The following NOS1AP variants were observed in gnomAD, a reference collection of about 807,000 sequenced individuals.
NOS1AP encodes nitric oxide synthase 1 adaptor protein.
NOS1AP carries 21 observed loss-of-function variants against 56.2 expected under a neutral mutation model. That is an observed-to-expected ratio of 0.37 (90% confidence interval 0.26 to 0.54). The LOEUF is 0.54. NOS1AP is among the 20% of genes least tolerant of loss of function. The probability of loss-of-function intolerance (pLI) is 0.84; values close to 1 mark genes in which losing one functional copy is unlikely to be tolerated. For synonymous variants in NOS1AP, 270 were observed against 274.6 expected, an observed-to-expected ratio of 0.98 and a Z score of 0.17; for missense variants, 522 against 657.8, an observed-to-expected ratio of 0.79 and a Z score of 2.26.
intron 1 of NOS1AP, among the ~76,000 whole-genome samples, chr1:162,080,314 CCT>C (rs1046439415): frequency 5.3e-5 from 8 of 152,118 alleles, no homozygotes; most frequent in African/African-American, 1.4e-4. Context: ...AAAACTAACC[CCT>C]GTTAGTTTTC....
chr1:162,282,820 G>A (rs1182604120), intron 2 of NOS1AP, among the ~76,000 whole-genome samples: 1 of 152,250 alleles, frequency 6.6e-6, no homozygotes, highest in Non-Finnish European at 1.5e-5. Flanking sequence ...GCCTGGCATA[G>A]TGTTTGCCTT....
At chr1:162,174,175 A>C (rs977030741) in intron 2 of NOS1AP, among the ~76,000 whole-genome samples, 1 of 152,082 alleles carries the variant, frequency 6.6e-6, no homozygotes, top group Non-Finnish European at 1.5e-5. Context: ...TCCAACAATG[A>C]TAGACTGGAT....
At chr1:162,144,888 A>G (rs926255063) in intron 1 of NOS1AP, among the ~76,000 whole-genome samples, 2 of 152,212 alleles carry the variant, frequency 1.3e-5, no homozygotes, top group African/African-American at 4.8e-5. Context: ...AAAAGAACTG[A>G]AAGACACAGC....
chr1:162,276,170 G>C (rs2101724441), intron 2 of NOS1AP, among the ~76,000 whole-genome samples: 1 of 152,316 alleles, frequency 6.6e-6, no homozygotes, highest in South Asian at 2.1e-4. Flanking sequence ...CTGGGGATGA[G>C]TTGGGTTATG....
intron 1 of NOS1AP, among the ~76,000 whole-genome samples, chr1:162,090,200 G>A (rs538029717): frequency 4.6e-5 from 7 of 150,950 alleles, no homozygotes; most frequent in South Asian, 2.1e-4. Context: ...CTTTGTATGC[G>A]AAAGGTCAAA....
At chr1:162,233,340 T>C (rs1653186168) in intron 2 of NOS1AP, among the ~76,000 whole-genome samples, 1 of 152,180 alleles carries the variant, frequency 6.6e-6, no homozygotes, top group African/African-American at 2.4e-5. Flanking sequence ...GCGGGGTAGT[T>C]GTACTGCTGT....
chr1:162,152,643 C>CGTGGT (rs1649766186), intron 1 of NOS1AP, among the ~76,000 whole-genome samples: 1 of 152,250 alleles, frequency 6.6e-6, no homozygotes, highest in African/African-American at 2.4e-5. Context: ...CCCCATGGGC[C>CGTGGT]GTGGTGGGGC....
At chr1:162,231,609 T>G (rs748490193) in intron 2 of NOS1AP, among the ~76,000 whole-genome samples, 8 of 152,240 alleles carry the variant, frequency 5.3e-5, no homozygotes, top group Non-Finnish European at 1.2e-4. Context: ...GTTTTTGCAC[T>G]AATGTACAGT....
chr1:162,342,570 A>C, intron 5 of NOS1AP: 1 of 489,930 alleles, frequency 2.0e-6, no homozygotes, highest in African/African-American at 2.0e-5. Flanking sequence ...AGATGAGCTC[A>C]TTGTAATATG....
intron 7 of NOS1AP, 137 bp downstream of exon 7, chr1:162,355,490 GC>G: frequency 1.9e-6 from 2 of 1,070,280 alleles, no homozygotes; most frequent in Admixed American, 3.7e-5. Context: ...GCACTTCATT[GC>G]CTTTCAGAAG....
intron 2 of NOS1AP, among the ~76,000 whole-genome samples, chr1:162,268,764 A>G (rs1477243686): frequency 6.6e-6 from 1 of 152,190 alleles, no homozygotes. Flanking sequence ...AAATATATTC[A>G]AACTAAAAAA....
intron 2 of NOS1AP, among the ~76,000 whole-genome samples, chr1:162,171,984 TAGC>T (rs1268004783): frequency 6.6e-6 from 1 of 152,200 alleles, no homozygotes; most frequent in Non-Finnish European, 1.5e-5. Flanking sequence ...GAAAGCCACT[TAGC>T]AGCCCCAAGG....
intron 2 of NOS1AP, among the ~76,000 whole-genome samples, chr1:162,264,573 C>T (rs142670856): frequency 0.01 from 1,513 of 149,892 alleles, 21 homozygotes; most frequent in African/African-American, 0.035. Flanking sequence ...GTGGTGTGAT[C>T]TTGGCTCACT....
At position 162,070,148 on chromosome 1, in the gene NOS1AP, T is replaced by C. The variant is rs1651882923; in HGVS notation, c.-30T>C. On this transcript the variant is annotated 5_prime_UTR_variant, in exon 1 of 10. Coordinates refer to ENST00000361897, the MANE Select transcript of NOS1AP (RefSeq NM_014697.3). ...CCAGCCCCTTCCTGCAGCCGCCGCC[T>C]CCGAAGGAGCGGGTCCGCCGCGGGT... The C allele has an allele frequency of 6.3e-7, 1 of 1,590,680 alleles. No individual in the cohort carries two copies. Among genetic ancestry groups the C allele is most frequent in the Non-Finnish European group, 8.6e-7 (1 of 1,159,346 alleles).
chr1:162,119,457 A>C (rs1294349760), intron 1 of NOS1AP, among the ~76,000 whole-genome samples: 1 of 152,210 alleles, frequency 6.6e-6, no homozygotes. Flanking sequence ...GTTTAGATAA[A>C]GCAGAAATCT....
At chr1:162,251,864 T>TG (rs1254287092) in intron 2 of NOS1AP, among the ~76,000 whole-genome samples, 5 of 99,916 alleles carry the variant, frequency 5.0e-5, no homozygotes, top group African/African-American at 6.5e-5. Context: ...GTTGTTTTTT[T>TG]TTTTGTTTTT....
At chr1:162,236,363 C>T (rs1003375779) in intron 2 of NOS1AP, among the ~76,000 whole-genome samples, 2 of 152,192 alleles carry the variant, frequency 1.3e-5, no homozygotes, top group African/African-American at 4.8e-5. Context: ...TTTACAGATA[C>T]GATCTCACTT....
chr1:162,344,669 C>T (rs572866176), intron 6 of NOS1AP, among the ~76,000 whole-genome samples: 1 of 151,590 alleles, frequency 6.6e-6, no homozygotes, highest in South Asian at 2.1e-4. Context: ...CAAGATTGTG[C>T]CACCGCACTC....
At chr1:162,273,169 T>C (rs2101721053) in intron 2 of NOS1AP, among the ~76,000 whole-genome samples, 1 of 146,660 alleles carries the variant, frequency 6.8e-6, no homozygotes, top group African/African-American at 2.5e-5. Context: ...TCTTTTTTTT[T>C]TTTTTTTTTT....
Sources: allele counts gnomAD v4.1 joint callset (sites outside exome capture counted in the v4.1 genomes callset), GRCh38; gene constraint gnomAD v4.1.1; transcripts MANE v1.5; gene names NCBI Gene and HGNC (gene_info 2026-07-23, HGNC 2026-07-21).